RTL4: variants seen among roughly 807,000 people sequenced by gnomAD.
The protein encoded by RTL4 is retrotransposon Gag like 4.
Under a neutral mutation model 5.3 loss-of-function variants are expected in RTL4, and 4 were observed. The ratio of observed to expected loss-of-function variants is 0.75; its 90% CI spans 0.37 to 1.72. The LOEUF is 1.72. Ranked by LOEUF, RTL4 falls within the 40% of genes most tolerant of loss-of-function variation. The pLI is 0.04. For synonymous variants in RTL4, 98 were observed against 87.3 expected (o/e 1.12, Z -0.68); for missense variants, 260 against 227.1 (o/e 1.14, Z -0.93).
At chrX:112,101,719 A>C in the RTL4 span, among the ~76,000 whole-genome samples, 2 of 111,453 alleles carry the variant, frequency 1.8e-5, no homozygotes, top group Non-Finnish European at 3.8e-5. Flanking sequence ...ATGTGACTTT[A>C]TTAATAATAG....
At chrX:112,404,032 G>T in the RTL4 span, among the ~76,000 whole-genome samples, 1 of 111,167 alleles carries the variant, frequency 9.0e-6, no homozygotes, top group Admixed American at 9.5e-5. Flanking sequence ...CTCCCTTTTA[G>T]CCTGATCTCT....
chrX:112,088,628 C>A, the RTL4 span, among the ~76,000 whole-genome samples: 7 of 111,960 alleles, frequency 6.3e-5, no homozygotes, highest in African/African-American at 2.3e-4. Flanking sequence ...ATTTGAGGAA[C>A]CACCAAATTG....
chrX:112,442,831 A>G, the RTL4 span, among the ~76,000 whole-genome samples: 2 of 111,537 alleles, frequency 1.8e-5, no homozygotes, highest in Non-Finnish European at 3.8e-5. Context: ...TATGGGATAC[A>G]TGAGATGTAC....
chrX:112,409,840 T>A, the RTL4 span, among the ~76,000 whole-genome samples: 1 of 105,217 alleles, frequency 9.5e-6, no homozygotes, highest in Non-Finnish European at 2.0e-5. Context: ...CACAGGAAAA[T>A]AAATAACAAA....
the RTL4 span, among the ~76,000 whole-genome samples, chrX:112,239,467 G>GA: frequency 1.8e-5 from 2 of 111,673 alleles, no homozygotes; most frequent in African/African-American, 3.3e-5. Context: ...GAACAAGTGG[G>GA]AATTCTGCTT....
At chrX:112,147,705 G>A in the RTL4 span, among the ~76,000 whole-genome samples, 25 of 112,132 alleles carry the variant, frequency 2.2e-4, no homozygotes, top group South Asian at 3.8e-3. Context: ...TTGGGAGGCC[G>A]AGATGGGTGG....
chrX:112,435,569 C>T, the RTL4 span, among the ~76,000 whole-genome samples: 2 of 111,732 alleles, frequency 1.8e-5, no homozygotes, highest in Non-Finnish European at 3.8e-5. Flanking sequence ...CCTCATGATA[C>T]ATCTCCAAGT....
At chrX:112,273,673 G>T in the RTL4 span, among the ~76,000 whole-genome samples, 1 of 111,899 alleles carries the variant, frequency 8.9e-6, no homozygotes, top group Non-Finnish European at 1.9e-5. Context: ...AGTGCAAACT[G>T]CCTGGAAGGT....
chrX:112,404,918 G>A, the RTL4 span, among the ~76,000 whole-genome samples: 4 of 111,816 alleles, frequency 3.6e-5, no homozygotes, highest in East Asian at 5.6e-4. Flanking sequence ...TTCTTTTTGC[G>A]TCAAAATCAC....
At chrX:112,207,288 C>G in the RTL4 span, among the ~76,000 whole-genome samples, 4 of 111,574 alleles carry the variant, frequency 3.6e-5, no homozygotes, top group Non-Finnish European at 7.5e-5. Flanking sequence ...GTTTTTCTCT[C>G]TATATCATCT....
chrX:112,098,647 C>T, the RTL4 span, among the ~76,000 whole-genome samples: 5 of 111,459 alleles, frequency 4.5e-5, no homozygotes, highest in Admixed American at 4.8e-4. Context: ...TTAATGATCA[C>T]CATTCTAACT....
chrX:112,452,089 C>CT (rs763942705), upstream of RTL4, among the ~76,000 whole-genome samples: 568 of 90,954 alleles, frequency 6.2e-3, 3 homozygotes, highest in African/African-American at 6.9e-3. Flanking sequence ...TGGGAAAGAC[C>CT]TTTTTTTTTT....
the RTL4 span, among the ~76,000 whole-genome samples, chrX:112,328,996 T>A: frequency 3.3e-3 from 370 of 111,596 alleles, 1 homozygote; most frequent in African/African-American, 0.012. Flanking sequence ...ATCTCTGGGA[T>A]GCATTCAAAG....
At chrX:112,260,206 A>T in the RTL4 span, among the ~76,000 whole-genome samples, 1 of 111,498 alleles carries the variant, frequency 9.0e-6, no homozygotes, top group Admixed American at 9.6e-5. Flanking sequence ...CATGCATATC[A>T]GCTCTAGCTC....
At chrX:112,166,432 T>C in the RTL4 span, among the ~76,000 whole-genome samples, 2 of 111,751 alleles carry the variant, frequency 1.8e-5, no homozygotes, top group African/African-American at 6.5e-5. Flanking sequence ...GATTAATTTT[T>C]ACAACTTTTT....
At chrX:112,187,520 T>C in the RTL4 span, among the ~76,000 whole-genome samples, 1 of 111,605 alleles carries the variant, frequency 9.0e-6, no homozygotes, top group African/African-American at 3.3e-5. Flanking sequence ...AGATAAGCCT[T>C]CATTCTAGGG....
chrX:112,134,873 A>G, the RTL4 span, among the ~76,000 whole-genome samples: 2 of 111,894 alleles, frequency 1.8e-5, no homozygotes, highest in African/African-American at 6.5e-5. Context: ...CTATGTTGTA[A>G]TGTGTATCAA....
At chrX:112,451,302 C>A (rs947653682), upstream of RTL4, among the ~76,000 whole-genome samples, 1 of 110,971 alleles carries the variant, frequency 9.0e-6, no homozygotes, top group African/African-American at 3.3e-5. Context: ...GAGTTCAAGA[C>A]CAGCTTGGGC....
chrX:112,120,539 G>A, the RTL4 span, among the ~76,000 whole-genome samples: 1 of 108,023 alleles, frequency 9.3e-6, no homozygotes, highest in Admixed American at 9.8e-5. Flanking sequence ...GCCTCCCAAA[G>A]TTCTGGGATT....
Sources: gnomAD v4.1 joint callset for allele counts (sites outside exome capture counted in the v4.1 genomes callset) on GRCh38, gnomAD v4.1.1 for gene constraint, MANE v1.5 for transcripts, NCBI Gene and HGNC (gene_info 2026-07-23, HGNC 2026-07-21) for gene names.